The following HPSE2 variants were observed in gnomAD, a reference collection of about 807,000 sequenced individuals.
HPSE2 encodes the protein inactive heparanase-2.
In HPSE2, 38 loss-of-function variants were observed where a neutral mutation model predicts 60.5. The observed-to-expected ratio is 0.63, with a 90% confidence interval of 0.48 to 0.82. The LOEUF is 0.82. HPSE2 is among the 40% of genes least tolerant of loss of function. The pLI, the probability that HPSE2 is intolerant of heterozygous loss-of-function variation, is 0.00. For missense variants in HPSE2, 713 were observed against 740.4 expected, an observed-to-expected ratio of 0.96 and a Z score of 0.43; for synonymous variants, 295 against 293.2, an observed-to-expected ratio of 1.01 and a Z score of -0.06.
chr10:99,173,748 A>G (rs990823218), intron 2 of HPSE2, among the ~76,000 whole-genome samples: 1 of 152,118 alleles, frequency 6.6e-6, no homozygotes, highest in Non-Finnish European at 1.5e-5. Context: ...GTTCGAGACC[A>G]GCCTGGCCAA....
At chr10:98,601,936 T>G (rs1945438607) in intron 9 of HPSE2, among the ~76,000 whole-genome samples, 1 of 152,178 alleles carries the variant, frequency 6.6e-6, no homozygotes, top group Admixed American at 6.5e-5. Context: ...GCAAATAGGG[T>G]AACTCTCAGG....
intron 9 of HPSE2, among the ~76,000 whole-genome samples, chr10:98,498,483 G>C (rs1941924956): frequency 6.6e-6 from 1 of 152,138 alleles, no homozygotes; most frequent in Non-Finnish European, 1.5e-5. Flanking sequence ...TGGGACAAAA[G>C]ATTCTGAACA....
At chr10:99,023,223 G>T (rs529060536) in intron 3 of HPSE2, among the ~76,000 whole-genome samples, 1 of 152,168 alleles carries the variant, frequency 6.6e-6, no homozygotes, top group Non-Finnish European at 1.5e-5. Flanking sequence ...ATTCCTTGTG[G>T]CCTGGGGTGG....
rs147098746 is a variant in HPSE2, at chr10:98,721,558, A to AAAAT, written c.956+95_956+98dup. ...GAGTCCCTCCTTTTTTCTTAAGACC[A>AAAAT]AAATAAATAAATAAATAAATAAATA... is the stretch of plus-strand genomic sequence containing the variant. On this transcript the variant is annotated intron_variant, in intron 5 of 11. Transcript: ENST00000370552. The AAAAT allele has an allele frequency of 0.13, 154,488 of 1,182,096 alleles. 11,076 individuals carry two copies. Among genetic ancestry groups the AAAAT allele is most frequent in the African/African-American group, 0.28 (17,548 of 62,600 alleles). 73.2% of individuals were successfully genotyped at this position (1,182,096 alleles called of 1,614,324 possible). A position where few individuals can be genotyped will look rare whatever the true frequency, so the allele number is the denominator to read the frequency against.
At chr10:98,828,792 T>C (rs1022966107) in intron 3 of HPSE2, among the ~76,000 whole-genome samples, 2 of 152,182 alleles carry the variant, frequency 1.3e-5, no homozygotes, top group African/African-American at 4.8e-5. Context: ...TAAAACTGTA[T>C]AGTAGTCCTT....
intron 4 of HPSE2, among the ~76,000 whole-genome samples, chr10:98,736,149 C>T (rs1180174458): frequency 6.6e-6 from 1 of 151,646 alleles, no homozygotes; most frequent in Non-Finnish European, 1.5e-5. Flanking sequence ...CCATACTGTT[C>T]TCATGGTAGT....
At chr10:99,305,967 G>GCA in the HPSE2 span, among the ~76,000 whole-genome samples, 59 of 54,544 alleles carry the variant, frequency 1.1e-3, no homozygotes, top group Non-Finnish European at 1.8e-3. Flanking sequence ...ACACACGCGC[G>GCA]CGCGCGCGCG....
At chr10:99,297,244 C>G in the HPSE2 span, among the ~76,000 whole-genome samples, 1 of 152,176 alleles carries the variant, frequency 6.6e-6, no homozygotes, top group East Asian at 1.9e-4. Context: ...CTGCTGGCAG[C>G]CCGGTGGGTT....
chr10:98,983,106 T>C (rs1402684811), intron 3 of HPSE2, among the ~76,000 whole-genome samples: 1 of 152,240 alleles, frequency 6.6e-6, no homozygotes, highest in Non-Finnish European at 1.5e-5. Context: ...ACCAGTTTCA[T>C]GGAAGACAAT....
At position 98,804,640 on chromosome 10, in the gene HPSE2, G is replaced by T. The variant is rs1459939604; in HGVS notation, c.611-60584C>A. On this transcript the variant is annotated intron_variant, in intron 3 of 11. Transcript: ENST00000370552. ...CAAAGACAGGCAATAACAAATGCTG[G>T]AGAGGATGTATACGGTACGGAAATG... is the stretch of plus-strand genomic sequence containing the variant. Among the ~76,000 whole-genome samples the T allele has an allele frequency of 2.0e-5, 3 of 152,230 alleles. No individual in the cohort carries two copies. The East Asian group carries it at 5.8e-4, about 29-fold the overall frequency.
At chr10:98,818,441 C>A (rs1014639158) in intron 3 of HPSE2, among the ~76,000 whole-genome samples, 5 of 152,152 alleles carry the variant, frequency 3.3e-5, no homozygotes, top group Non-Finnish European at 5.9e-5. Context: ...CACTGCTGAT[C>A]TGATAGAAGG....
chr10:98,572,225 C>T (rs2862374), intron 9 of HPSE2, among the ~76,000 whole-genome samples: 69,051 of 151,958 alleles, frequency 0.45, 18,637 homozygotes, highest in Middle Eastern at 0.59. Context: ...CAGGCGTGAG[C>T]CACTGTGCCT....
At chr10:99,278,757 C>A in the HPSE2 span, among the ~76,000 whole-genome samples, 1 of 152,276 alleles carries the variant, frequency 6.6e-6, no homozygotes, top group South Asian at 2.1e-4. Context: ...CTTTCTATTT[C>A]TTCTTCTAAT....
chr10:98,860,622 T>C (rs1337961211), intron 3 of HPSE2, among the ~76,000 whole-genome samples: 2 of 152,174 alleles, frequency 1.3e-5, no homozygotes, highest in Non-Finnish European at 2.9e-5. Flanking sequence ...ACACTTCTAG[T>C]AAGTGCTAGA....
chr10:98,805,157 G>C (rs1951013343), intron 3 of HPSE2, among the ~76,000 whole-genome samples: 1 of 152,096 alleles, frequency 6.6e-6, no homozygotes, highest in African/African-American at 2.4e-5. Context: ...GGGAAGCTGG[G>C]TGCAGAGGAG....
At chr10:99,269,147 G>A in the HPSE2 span, among the ~76,000 whole-genome samples, 15 of 151,158 alleles carry the variant, frequency 9.9e-5, no homozygotes, top group African/African-American at 3.6e-4. Context: ...GGACAAGAGC[G>A]AGACTTCGTC....
chr10:98,476,438 T>A (rs888896184), intron 11 of HPSE2, among the ~76,000 whole-genome samples: 1 of 150,344 alleles, frequency 6.7e-6, no homozygotes, highest in Non-Finnish European at 1.5e-5. Context: ...AACCTGCACA[T>A]TGTGCACATG....
intron 3 of HPSE2, among the ~76,000 whole-genome samples, chr10:98,755,971 G>A (rs1949869792): frequency 2.0e-5 from 3 of 152,038 alleles, no homozygotes; most frequent in Admixed American, 2.0e-4. Context: ...ACCCCAGCCT[G>A]GCAACAGAGA....
intron 9 of HPSE2, among the ~76,000 whole-genome samples, chr10:98,570,983 C>T (rs553916586): frequency 2.6e-4 from 39 of 152,204 alleles, no homozygotes; most frequent in Non-Finnish European, 4.6e-4. Context: ...GTTGTGGTCT[C>T]GCTGAGGGCA....
Sources: allele counts gnomAD v4.1 joint callset (sites outside exome capture counted in the v4.1 genomes callset), GRCh38; gene constraint gnomAD v4.1.1; transcripts MANE v1.5; gene names NCBI Gene and HGNC (gene_info 2026-07-23, HGNC 2026-07-21).